Variants in MAGI1 observed in about 807,000 individuals in gnomAD.
MAGI1 encodes the protein membrane associated guanylate kinase, WW and PDZ domain containing 1, also known as membrane-associated guanylate kinase, WW and PDZ domain-containing protein 1.
In MAGI1, 58 loss-of-function variants were observed where a neutral mutation model predicts 139.9. The observed-to-expected ratio is 0.41, with a 90% confidence interval of 0.34 to 0.52. The LOEUF is 0.52. Among genes scored for constraint, MAGI1 ranks in the 20% least tolerant of loss-of-function variants. The probability of loss-of-function intolerance (pLI) is 0.12; values close to 1 mark genes in which losing one functional copy is unlikely to be tolerated. For missense variants in MAGI1, 1,874 were observed against 1,901.6 expected, an observed-to-expected ratio of 0.99 and a Z score of 0.27; for synonymous variants, 812 against 737.9, an observed-to-expected ratio of 1.10 and a Z score of -1.63.
intron 1 of MAGI1, among the ~76,000 whole-genome samples, chr3:65,792,046 A>G (rs1451911812): frequency 6.6e-6 from 1 of 152,012 alleles, no homozygotes; most frequent in Non-Finnish European, 1.5e-5. Flanking sequence ...ATACATACAT[A>G]CATACTTCTG....
chr3:65,608,216 C>A (rs560658563), intron 2 of MAGI1, among the ~76,000 whole-genome samples: 7 of 152,040 alleles, frequency 4.6e-5, no homozygotes, highest in Non-Finnish European at 7.4e-5. Flanking sequence ...GTGAGACAGG[C>A]GGATCACCTG....
intron 1 of MAGI1, among the ~76,000 whole-genome samples, chr3:65,843,391 A>C (rs751412859): frequency 1.3e-5 from 2 of 152,196 alleles, no homozygotes; most frequent in South Asian, 4.1e-4. Flanking sequence ...CTGTATCTTC[A>C]TAAGAAACCT....
intron 1 of MAGI1, among the ~76,000 whole-genome samples, chr3:65,979,088 T>TCCCG (rs2065419690): frequency 1.1e-4 from 6 of 52,970 alleles, no homozygotes; most frequent in Non-Finnish European, 2.2e-4. Context: ...TTTCTTTTCT[T>TCCCG]CCCCCCCCCC....
At chr3:65,650,833 G>A (rs891050133) in intron 1 of MAGI1, among the ~76,000 whole-genome samples, 5 of 152,124 alleles carry the variant, frequency 3.3e-5, no homozygotes, top group Non-Finnish European at 7.4e-5. Context: ...AAGTATGAGA[G>A]GCATTGACAT....
intron 1 of MAGI1, among the ~76,000 whole-genome samples, chr3:65,803,432 A>G (rs2040643506): frequency 1.3e-5 from 2 of 152,190 alleles, no homozygotes; most frequent in South Asian, 4.2e-4. Flanking sequence ...AATTTCCTAA[A>G]AGGAAATTTT....
intron 1 of MAGI1, among the ~76,000 whole-genome samples, chr3:65,627,228 T>C (rs554075003): frequency 1.3e-5 from 2 of 152,306 alleles, no homozygotes; most frequent in South Asian, 4.1e-4. Context: ...CAACGGGCTA[T>C]ACCATACAGC....
intron 2 of MAGI1, among the ~76,000 whole-genome samples, chr3:65,620,942 T>C (rs1266407260): frequency 6.6e-6 from 1 of 152,222 alleles, no homozygotes; most frequent in African/African-American, 2.4e-5. Context: ...AGATTAGTTC[T>C]GCTTATTCTT....
chr3:65,869,367 T>TTTGTTGTTG (rs200952901), intron 1 of MAGI1, among the ~76,000 whole-genome samples: 76 of 118,934 alleles, frequency 6.4e-4, no homozygotes, highest in South Asian at 1.3e-3. Context: ...AGACTGGTTT[T>TTTGTTGTTG]TTGTTGTTGT....
At chr3:65,997,288 A>C (rs2066499216) in intron 1 of MAGI1, among the ~76,000 whole-genome samples, 1 of 152,192 alleles carries the variant, frequency 6.6e-6, no homozygotes, top group Non-Finnish European at 1.5e-5. Context: ...ACCAAAATTC[A>C]GATTTGCCAA....
chr3:65,461,578 T>G, intron 5 of MAGI1, among the ~76,000 whole-genome samples: 1 of 147,716 alleles, frequency 6.8e-6, no homozygotes, highest in East Asian at 2.1e-4. Context: ...AAGCTCCGCC[T>G]CCCGGGTTCA....
chr3:66,005,526 TTGCCTC>T (rs1482861027), intron 1 of MAGI1, among the ~76,000 whole-genome samples: 2 of 152,106 alleles, frequency 1.3e-5, no homozygotes, highest in Non-Finnish European at 2.9e-5. Context: ...CACAGCCTCT[TTGCCTC>T]TCCTCACCCA....
At position 66,020,985 on chromosome 3, in the gene MAGI1, G is replaced by C. The variant is rs963775032; in HGVS notation, c.313+17011C>G. ...AAAAGGCCAAAGGACACTAAAACAT[G>C]ATCTACCCCAAGCTTTCAAAGTTAA... On this transcript the variant is annotated intron_variant, in intron 1 of 22. Coordinates refer to ENST00000402939, the MANE Select transcript of MAGI1 (RefSeq NM_001033057.2). Among the ~76,000 whole-genome samples the C allele has an allele frequency of 9.9e-5, 15 of 152,248 alleles. No individual in the cohort carries two copies. The East Asian group carries it at 1.2e-3, about 12-fold the overall frequency.
In MAGI1 at chr3:65,550,527, G is replaced by A. The variant is rs148390651; in HGVS notation, c.431-56896C>T. 2.6e-4 allele frequency among the ~76,000 whole-genome samples: 39 copies of A among 152,224 alleles called. 1 individual carries two copies. In the East Asian group the frequency reaches 5.8e-3, roughly 23 times the overall value. The stretch of plus-strand genomic sequence containing the variant: ...AGCCCTGTTTGAACCTGTCACCTCC[G>A]GGCAGCTCTTCCTTTTATTCATATA... On this transcript the variant is annotated intron_variant, in intron 2 of 22. Transcript: ENST00000402939.
At chr3:65,653,638 T>C (rs1559757209) in intron 1 of MAGI1, among the ~76,000 whole-genome samples, 2 of 152,162 alleles carry the variant, frequency 1.3e-5, no homozygotes, top group African/African-American at 2.4e-5. Flanking sequence ...ATCTGGACTT[T>C]TGGGAGCTCA....
intron 1 of MAGI1, among the ~76,000 whole-genome samples, chr3:65,732,594 C>T (rs1409235122): frequency 6.6e-6 from 1 of 152,122 alleles, no homozygotes; most frequent in African/African-American, 2.4e-5. Flanking sequence ...ACCTAGAAAA[C>T]AAGAATGTGA....
intron 1 of MAGI1, among the ~76,000 whole-genome samples, chr3:65,899,565 G>T (rs2061130835): frequency 6.6e-6 from 1 of 152,072 alleles, no homozygotes; most frequent in African/African-American, 2.4e-5. Context: ...GACATAACTG[G>T]GATAAAAATC....
intron 1 of MAGI1, among the ~76,000 whole-genome samples, chr3:65,851,310 T>G (rs1233865778): frequency 6.6e-6 from 1 of 152,190 alleles, no homozygotes; most frequent in Admixed American, 6.5e-5. Flanking sequence ...TAACAAGAAC[T>G]GTACAAAAGT....
At chr3:65,886,649 C>A (rs2060542202) in intron 1 of MAGI1, among the ~76,000 whole-genome samples, 1 of 152,200 alleles carries the variant, frequency 6.6e-6, no homozygotes, top group Non-Finnish European at 1.5e-5. Context: ...AGCCAGAATG[C>A]ACAGGAGGAC....
In MAGI1 at chr3:65,922,713, C is replaced by T. The variant is rs149711934; in HGVS notation, c.313+115283G>A. 2.8e-3 allele frequency among the ~76,000 whole-genome samples: 430 copies of T among 152,300 alleles called. 2 individuals are homozygous for T. The highest frequency in any genetic ancestry group is 9.6e-3 in the African/African-American group (397 of 41,546). On this transcript the variant is annotated intron_variant, in intron 1 of 22. Transcript: ENST00000402939. ...GAAATGATGACACCTGAGAGGAGAA[C>T]ACGATGAATCAACGGAGCATTGCAA...
Sources: allele counts gnomAD v4.1 joint callset (sites outside exome capture counted in the v4.1 genomes callset), GRCh38; gene constraint gnomAD v4.1.1; transcripts MANE v1.5; gene names NCBI Gene and HGNC (gene_info 2026-07-23, HGNC 2026-07-21).